The following SLC39A11 variants were observed in gnomAD, a reference collection of about 807,000 sequenced individuals.
SLC39A11 encodes the protein solute carrier family 39 member 11.
A neutral mutation model predicts 36.1 loss-of-function variants in SLC39A11; 33 were observed. The ratio of observed to expected loss-of-function variants is 0.91; its 90% CI spans 0.69 to 1.22. The LOEUF is 1.22. SLC39A11 is among the 50% of genes most tolerant of loss of function. The probability of loss-of-function intolerance (pLI) is 0.00; values close to 1 mark genes in which losing one functional copy is unlikely to be tolerated. For missense variants in SLC39A11, 432 were observed against 430.3 expected (o/e 1.00, Z -0.03); for synonymous variants, 166 against 170.3 (o/e 0.97, Z 0.20).
At chr17:73,090,744 A>C (rs2060896209) in intron 1 of SLC39A11, among the ~76,000 whole-genome samples, 1 of 152,214 alleles carries the variant, frequency 6.6e-6, no homozygotes, top group Admixed American at 6.5e-5. Flanking sequence ...AACAGAACAG[A>C]GGGAGCTCGT....
At chr17:72,703,590 T>C (rs1475149988) in intron 7 of SLC39A11, among the ~76,000 whole-genome samples, 1 of 152,210 alleles carries the variant, frequency 6.6e-6, no homozygotes, top group East Asian at 1.9e-4. Context: ...TGCCCCCACT[T>C]TTCTGATGAT....
intron 4 of SLC39A11, among the ~76,000 whole-genome samples, chr17:72,954,503 T>G (rs975559653): frequency 1.3e-5 from 2 of 152,140 alleles, no homozygotes; most frequent in African/African-American, 4.8e-5. Flanking sequence ...GGCTGGCGGG[T>G]GGCCTGCCTG....
intron 7 of SLC39A11, among the ~76,000 whole-genome samples, chr17:72,729,445 ATATATATATATATTTTTTTTTT>A (rs2074113185): frequency 3.2e-4 from 1 of 3,162 alleles, no homozygotes; most frequent in African/African-American, 1.3e-3. Context: ...ATATATATAT[ATATATATATATATTTTTTTTTT>A]TTTTTTTTTT....
intron 6 of SLC39A11, among the ~76,000 whole-genome samples, chr17:72,758,883 A>G (rs2075462294): frequency 6.6e-6 from 1 of 152,196 alleles, no homozygotes; most frequent in South Asian, 2.1e-4. Context: ...CATGGATGAC[A>G]GCAATTATAA....
chr17:73,015,861 T>A (rs761022140), intron 4 of SLC39A11, among the ~76,000 whole-genome samples: 18 of 152,062 alleles, frequency 1.2e-4, no homozygotes, highest in Non-Finnish European at 2.4e-4. Flanking sequence ...GGATTACAGG[T>A]GTGAGCCACC....
At chr17:72,749,892 G>C (rs1354971882) in intron 6 of SLC39A11, among the ~76,000 whole-genome samples, 1 of 152,166 alleles carries the variant, frequency 6.6e-6, no homozygotes, top group Non-Finnish European at 1.5e-5. Flanking sequence ...TAAAACACTA[G>C]ATGGAAGTCG....
At chr17:72,774,305 C>T (rs758812378) in intron 6 of SLC39A11, among the ~76,000 whole-genome samples, 4 of 152,208 alleles carry the variant, frequency 2.6e-5, no homozygotes, top group Non-Finnish European at 4.4e-5. Flanking sequence ...CTTCTGGCTG[C>T]ACTGATTTAT....
chr17:73,013,051 G>A (rs778336176), intron 4 of SLC39A11, among the ~76,000 whole-genome samples: 11 of 151,092 alleles, frequency 7.3e-5, no homozygotes, highest in Non-Finnish European at 1.0e-4. Context: ...CACCTGCCTC[G>A]GCCTCCCAAA....
chr17:72,751,010 G>A (rs2075134529), intron 6 of SLC39A11, among the ~76,000 whole-genome samples: 1 of 152,202 alleles, frequency 6.6e-6, no homozygotes, highest in Non-Finnish European at 1.5e-5. Context: ...ACTTTGGGAG[G>A]CCAAGGCGGG....
chr17:72,804,784 A>T (rs4793488), intron 6 of SLC39A11, among the ~76,000 whole-genome samples: 1 of 151,930 alleles, frequency 6.6e-6, no homozygotes. Flanking sequence ...GTGCTCTGGG[A>T]GGCCGAGGCA....
chr17:72,847,193 G>A (rs994707324), intron 6 of SLC39A11, among the ~76,000 whole-genome samples: 1 of 152,068 alleles, frequency 6.6e-6, no homozygotes, highest in African/African-American at 2.4e-5. Flanking sequence ...ACTTGAGGCC[G>A]GGAGTTTAAG....
chr17:72,984,050 C>T (rs896989007), intron 4 of SLC39A11, among the ~76,000 whole-genome samples: 1 of 152,138 alleles, frequency 6.6e-6, no homozygotes, highest in African/African-American at 2.4e-5. Context: ...CCTGGGTAGC[C>T]TCAGGTTTCT....
intron 7 of SLC39A11, among the ~76,000 whole-genome samples, chr17:72,694,815 C>G (rs2144488424): frequency 6.6e-6 from 1 of 152,326 alleles, no homozygotes; most frequent in African/African-American, 2.4e-5. Flanking sequence ...GCTACTTTGC[C>G]TTGCAGATGC....
chr17:72,878,219 A>G (rs554180646), intron 5 of SLC39A11, among the ~76,000 whole-genome samples: 2 of 151,904 alleles, frequency 1.3e-5, no homozygotes, highest in African/African-American at 4.8e-5. Flanking sequence ...GCACAAGGGG[A>G]TCTCTCCTTT....
rs76834334 is a variant in SLC39A11 at position 72,829,643 on chromosome 17, A to G, written c.601+19991T>C. Among the ~76,000 whole-genome samples the G allele has an allele frequency of 3.1e-3, 467 of 152,288 alleles. 1 individual carries two copies. The highest frequency in any genetic ancestry group is 9.6e-3 in the African/African-American group (398 of 41,566). ...GGGCCAACCAAAGTACATGTCTGGG[A>G]TTCCGGACAGATCCGGGTCCCTCCT... On this transcript the variant is annotated intron_variant, in intron 6 of 9. Coordinates refer to ENST00000255559, the MANE Select transcript of SLC39A11 (RefSeq NM_139177.4).
chr17:72,709,228 G>A (rs113594438), intron 7 of SLC39A11, among the ~76,000 whole-genome samples: 2,638 of 152,038 alleles, frequency 0.017, 32 homozygotes, highest in African/African-American at 0.023. Context: ...GTGAGCCACC[G>A]CGCCCGGCCA....
At chr17:72,947,163 G>A (rs1386758904) in intron 5 of SLC39A11, among the ~76,000 whole-genome samples, 3 of 152,042 alleles carry the variant, frequency 2.0e-5, no homozygotes, top group East Asian at 3.9e-4. Flanking sequence ...TCTACTAAAA[G>A]TACAAAAAAT....
In SLC39A11 at chr17:72,941,830, T is replaced by C. The variant is rs139427135; in HGVS notation, c.430+5922A>G. Reference sequence around the variant, plus strand: ...TTTGCCCTCCTGCAAAATATTTTTGTGCGGCACATTTTAACGCTGGTTTGC... The same window carrying C: ...TTTGCCCTCCTGCAAAATATTTTTGCGCGGCACATTTTAACGCTGGTTTGC... On this transcript the variant is annotated intron_variant, in intron 5 of 9. Coordinates refer to ENST00000255559, the MANE Select transcript of SLC39A11 (RefSeq NM_139177.4). Among the ~76,000 whole-genome samples the C allele has an allele frequency of 1.7e-3, 253 of 152,162 alleles. 1 individual carries two copies. Among genetic ancestry groups the C allele is most frequent in the Middle Eastern group, 3.4e-3 (1 of 294 alleles).
intron 7 of SLC39A11, among the ~76,000 whole-genome samples, chr17:72,703,597 T>C (rs780919666): frequency 6.6e-6 from 1 of 152,216 alleles, no homozygotes; most frequent in Non-Finnish European, 1.5e-5. Flanking sequence ...ACTTTTCTGA[T>C]GATCTGTTTC....
Sources: gnomAD v4.1 joint callset for allele counts (sites outside exome capture counted in the v4.1 genomes callset) on GRCh38, gnomAD v4.1.1 for gene constraint, MANE v1.5 for transcripts, NCBI Gene and HGNC (gene_info 2026-07-23, HGNC 2026-07-21) for gene names.